RAPGEF2: variants seen among roughly 807,000 people sequenced by gnomAD.
The protein encoded by RAPGEF2 is Rap guanine nucleotide exchange factor 2.
Under a neutral mutation model 186.7 loss-of-function variants are expected in RAPGEF2, and 54 were observed. That is an observed-to-expected ratio of 0.29 (90% CI 0.23 to 0.36). RAPGEF2 has a LOEUF of 0.36. Among genes scored for constraint, RAPGEF2 ranks in the 10% least tolerant of loss-of-function variants. The pLI is 1.00. For missense variants in RAPGEF2, 1,532 were observed against 2,045.0 expected (o/e 0.75, Z 4.84); for synonymous variants, 712 against 705.9 (o/e 1.01, Z -0.14).
At position 159,342,583 on chromosome 4, in the gene RAPGEF2, T is replaced by A. The variant is rs147308525; in HGVS notation, c.2919-396T>A. 4.5e-3 allele frequency among the ~76,000 whole-genome samples: 646 copies of A among 144,144 alleles called. 13 individuals carry two copies. The highest frequency in any genetic ancestry group is 0.016 in the African/African-American group (604 of 38,840). 94.6% of individuals were successfully genotyped at this position (144,144 alleles called of 152,430 possible). ...TTTATTTTATTTTATTTTATTTTAT[T>A]TTATTTTATTTTATTTTATTTTATT... is the stretch of plus-strand genomic sequence containing the variant. On this transcript the variant is annotated intron_variant, in intron 20 of 29. Transcript: ENST00000691494.
intron 17 of RAPGEF2, among the ~76,000 whole-genome samples, chr4:159,335,153 G>A (rs1767225496): frequency 6.6e-6 from 1 of 152,086 alleles, no homozygotes; most frequent in South Asian, 2.1e-4. Flanking sequence ...CCTTAGAGAA[G>A]CTAAGATGCT....
At chr4:159,258,956 TAGAG>T (rs1320817780) in intron 7 of RAPGEF2, among the ~76,000 whole-genome samples, 2 of 152,176 alleles carry the variant, frequency 1.3e-5, no homozygotes, top group African/African-American at 4.8e-5. Flanking sequence ...TAGAATATTT[TAGAG>T]AGAATAAAAC....
At chr4:159,191,127 T>C (rs145279262) in intron 2 of RAPGEF2, among the ~76,000 whole-genome samples, 2 of 151,740 alleles carry the variant, frequency 1.3e-5, no homozygotes, top group African/African-American at 4.8e-5. Flanking sequence ...AGAAGAGGGC[T>C]AAGGACAGGA....
intron 1 of RAPGEF2, among the ~76,000 whole-genome samples, chr4:159,168,710 ACGGTCACGTTT>A (rs1745590909): frequency 6.6e-6 from 1 of 152,214 alleles, no homozygotes; most frequent in Admixed American, 6.5e-5. Flanking sequence ...CATGTAGGAT[ACGGTCACGTTT>A]CATTATGCGT....
At chr4:159,127,346 A>G (rs1453328614) in intron 1 of RAPGEF2, among the ~76,000 whole-genome samples, 1 of 151,978 alleles carries the variant, frequency 6.6e-6, no homozygotes, top group Non-Finnish European at 1.5e-5. Context: ...GTGTTTTATG[A>G]TACTATTTAC....
chr4:159,152,311 ACT>A (rs1310914648), intron 1 of RAPGEF2, among the ~76,000 whole-genome samples: 4 of 152,032 alleles, frequency 2.6e-5, no homozygotes, highest in African/African-American at 7.2e-5. Context: ...ACAGAGCGAG[ACT>A]CTGTCTAAAA....
chr4:159,278,707 A>G (rs971803968), intron 7 of RAPGEF2, among the ~76,000 whole-genome samples: 12 of 152,214 alleles, frequency 7.9e-5, no homozygotes, highest in South Asian at 2.1e-4. Context: ...TGGATTTACA[A>G]TCTGGCTTCA....
At chr4:159,309,513 A>G (rs964285493) in intron 8 of RAPGEF2, among the ~76,000 whole-genome samples, 9 of 152,208 alleles carry the variant, frequency 5.9e-5, no homozygotes, top group South Asian at 4.1e-4. Context: ...TAAGCTGGAT[A>G]TGAAAGGAAG....
At chr4:159,175,647 T>A (rs1399797254) in intron 1 of RAPGEF2, among the ~76,000 whole-genome samples, 1 of 152,160 alleles carries the variant, frequency 6.6e-6, no homozygotes, top group African/African-American at 2.4e-5. Context: ...CCCATCTCTG[T>A]GTTGACTCAC....
chr4:159,180,920 C>G (rs182849139), intron 1 of RAPGEF2, among the ~76,000 whole-genome samples: 36 of 152,184 alleles, frequency 2.4e-4, no homozygotes, highest in African/African-American at 8.7e-4. Context: ...ATATTCCATT[C>G]TTTACATTTT....
chr4:159,341,629 T>G lies in RAPGEF2; in HGVS notation c.2600T>G (p.Leu867Trp). The change falls in exon 20 of 30, where the codon TTG becomes TGG. Residue 867 changes from leucine to tryptophan, a missense_variant. Around this residue, in one of 4 missense-constraint regions of RAPGEF2, gnomAD observed 810 missense variants for 1,210.5 expected, o/e 0.67. Coordinates refer to ENST00000691494, the MANE Select transcript of RAPGEF2 (RefSeq NM_001394067.2). ...LCSDEDAQELLRESQISLLQL... is the reference protein window; with the variant it reads ...LCSDEDAQELWRESQISLLQL... The stretch of plus-strand genomic sequence containing the variant: ...TCAGATGAAGATGCTCAGGAGTTGT[T>G]GAGAGAGAGTCAAATTTCCCTCCTT... 1 of 1,613,872 alleles carries G rather than the reference T, an allele frequency of 6.2e-7. No homozygotes were observed. Among genetic ancestry groups the G allele is most frequent in the Non-Finnish European group, 8.5e-7 (1 of 1,179,866 alleles).
In RAPGEF2 at chr4:159,343,349, C is replaced by T; in HGVS notation, c.3199C>T (p.His1067Tyr). 1.9e-6 allele frequency: 3 copies of T among 1,614,050 alleles called. No individual in the cohort carries two copies. Among genetic ancestry groups the T allele is most frequent in the Non-Finnish European group, 2.5e-6 (3 of 1,179,948 alleles). ...AAGGATGATTGCAAAAGAAATTCGT[C>T]ACGTTGGCCGAATGGCTTCAGTGAA... The part of the protein sequence containing the change: ...KLRMIAKEIR[H>Y]VGRMASVNMD... Residue 1067 changes from histidine (H) to tyrosine (Y), a missense_variant, in exon 22 of 30, where the codon CAC becomes TAC. Transcript: ENST00000691494.
At chr4:159,107,563 G>C (rs866579800) in intron 1 of RAPGEF2, among the ~76,000 whole-genome samples, 2 of 152,202 alleles carry the variant, frequency 1.3e-5, no homozygotes, top group Middle Eastern at 3.4e-3. Context: ...TGTTAAAAAT[G>C]TTATGTGTAA....
chr4:159,220,929 T>G (rs534178995), intron 4 of RAPGEF2, among the ~76,000 whole-genome samples: 5 of 152,326 alleles, frequency 3.3e-5, no homozygotes, highest in Admixed American at 1.3e-4. Context: ...AAATAACTTT[T>G]CAGTAACCTA....
At chr4:159,289,103 C>G (rs1205321781) in intron 7 of RAPGEF2, among the ~76,000 whole-genome samples, 2 of 152,114 alleles carry the variant, frequency 1.3e-5, no homozygotes, top group Admixed American at 1.3e-4. Flanking sequence ...CCCCTTCTCC[C>G]CTCAAGCCCC....
chr4:159,355,755 T>G, intron 28 of RAPGEF2, 98 bp from the exon 29 acceptor site: 5 of 1,153,418 alleles, frequency 4.3e-6, no homozygotes, highest in Non-Finnish European at 6.1e-6. Flanking sequence ...CATCTGCTGC[T>G]ACACTGTGGA....
chr4:159,155,651 C>T (rs1008811762), intron 1 of RAPGEF2, among the ~76,000 whole-genome samples: 4 of 152,092 alleles, frequency 2.6e-5, no homozygotes, highest in African/African-American at 4.8e-5. Flanking sequence ...TTACAGAAGA[C>T]GTGGTAATTC....
At chr4:159,249,599 A>G (rs1755059185) in intron 7 of RAPGEF2, among the ~76,000 whole-genome samples, 1 of 151,968 alleles carries the variant, frequency 6.6e-6, no homozygotes, top group South Asian at 2.1e-4. Flanking sequence ...AGATAATTAA[A>G]AATACCTAAT....
chr4:159,180,581 TA>T, intron 1 of RAPGEF2, among the ~76,000 whole-genome samples: 1 of 152,332 alleles, frequency 6.6e-6, no homozygotes, highest in Admixed American at 6.5e-5. Flanking sequence ...TGATGTACTG[TA>T]AGAGCAATAG....
Sources: allele counts gnomAD v4.1 joint callset (sites outside exome capture counted in the v4.1 genomes callset), GRCh38; gene constraint gnomAD v4.1.1; regional missense constraint gnomAD v4.1.1; transcripts MANE v1.5; gene names NCBI Gene and HGNC (gene_info 2026-07-23, HGNC 2026-07-21).